SCARB2: variants seen among roughly 807,000 people sequenced by gnomAD.
SCARB2 encodes the protein scavenger receptor class B member 2.
A neutral mutation model predicts 58.6 loss-of-function variants in SCARB2; 29 were observed. The observed-to-expected ratio is 0.49, with a 90% confidence interval of 0.37 to 0.67. The LOEUF (loss-of-function observed/expected upper bound fraction) is 0.67. SCARB2 is among the 30% of genes least tolerant of loss of function. The pLI is 0.00. For missense variants in SCARB2, 488 were observed against 578.5 expected, an observed-to-expected ratio of 0.84 and a Z score of 1.60; for synonymous variants, 195 against 210.1, an observed-to-expected ratio of 0.93 and a Z score of 0.62.
At chr4:76,220,608 G>C (rs1404821492) in intron 1 of SCARB2, among the ~76,000 whole-genome samples, 1 of 152,192 alleles carries the variant, frequency 6.6e-6, no homozygotes, top group African/African-American at 2.4e-5. Context: ...CTGTGACAGA[G>C]CTAGATCCTG....
In SCARB2 at chr4:76,195,743, G is replaced by T. The variant is rs756828875; in HGVS notation, c.239C>A (p.Thr80Asn). 1 of 1,613,950 alleles carries T rather than the reference G, an allele frequency of 6.2e-7. No homozygotes were observed. Among genetic ancestry groups the T allele is most frequent in the East Asian group, 2.2e-5 (1 of 44,888 alleles). The change falls in exon 2 of 12, where the codon ACC becomes AAC. Residue 80 changes from threonine to asparagine, a missense_variant. Transcript: ENST00000264896. ...TGGCCCCACTTCTTCCACCCGAGGG[G>T]TCTCCCCTCTGAGGATCTCCTCTGG... The part of the protein sequence containing the change: ...TNPEEILRGE[T>N]PRVEEVGPYT...
At chr4:76,188,111 T>C (rs1309720245) in intron 2 of SCARB2, among the ~76,000 whole-genome samples, 3 of 152,202 alleles carry the variant, frequency 2.0e-5, no homozygotes, top group South Asian at 2.1e-4. Context: ...CTTAGACAAA[T>C]TGTTTTCTTT....
intron 1 of SCARB2, among the ~76,000 whole-genome samples, chr4:76,205,330 C>T (rs1028341317): frequency 9.0e-5 from 13 of 144,308 alleles, no homozygotes; most frequent in Non-Finnish European, 1.2e-4. Context: ...TATCTCAAAA[C>T]AAAAACAAAA....
chr4:76,179,907 T>C, intron 3 of SCARB2: 1 of 623,586 alleles, frequency 1.6e-6, no homozygotes, highest in Non-Finnish European at 2.9e-6. Flanking sequence ...AGTACTGCAT[T>C]TTGTAAGTGT....
intron 1 of SCARB2, among the ~76,000 whole-genome samples, chr4:76,202,966 A>G (rs1732860132): frequency 6.6e-6 from 1 of 152,132 alleles, no homozygotes; most frequent in African/African-American, 2.4e-5. Context: ...ATGTTCTTGA[A>G]TATATTTGTC....
chr4:76,217,589 A>C (rs1163959590), upstream of SCARB2: 2 of 529,968 alleles, frequency 3.8e-6, no homozygotes, highest in Non-Finnish European at 6.8e-6. Context: ...GAGTGGAAGC[A>C]GCCTGAGGCC....
At chr4:76,226,418 A>C (rs1733399456) in intron 1 of SCARB2, among the ~76,000 whole-genome samples, 1 of 152,160 alleles carries the variant, frequency 6.6e-6, no homozygotes, top group African/African-American at 2.4e-5. Context: ...ATTTTGGGAG[A>C]GCAAGGAGCA....
At chr4:76,199,037 G>A (rs934727517) in intron 1 of SCARB2, among the ~76,000 whole-genome samples, 8 of 152,096 alleles carry the variant, frequency 5.3e-5, no homozygotes, top group African/African-American at 1.4e-4. Flanking sequence ...TTACTGCCAC[G>A]CCAGCTGCAA....
At position 76,203,161 on chromosome 4, in the gene SCARB2, G is replaced by C. The variant is rs552275278; in HGVS notation, c.118-7297C>G. On this transcript the variant is annotated intron_variant, in intron 1 of 11. Coordinates refer to ENST00000264896, the MANE Select transcript of SCARB2 (RefSeq NM_005506.4). The stretch of plus-strand genomic sequence containing the variant: ...AGCTACTTTTTGTATTTTTAGTAGA[G>C]ATGGGGTTTAACCATGTGGGCCAGG... Among the ~76,000 whole-genome samples, 3 of 152,242 alleles carry C rather than the reference G, an allele frequency of 2.0e-5. No homozygotes were observed. The East Asian group carries it at 5.8e-4, about 29-fold the overall frequency.
chr4:76,216,632 A>G (rs1733212318), upstream of SCARB2, among the ~76,000 whole-genome samples: 1 of 152,194 alleles, frequency 6.6e-6, no homozygotes, highest in African/African-American at 2.4e-5. Flanking sequence ...GAGTTTCTAA[A>G]CAAGGGTTTA....
chr4:76,215,954 G>T (rs1733198773), upstream of SCARB2, among the ~76,000 whole-genome samples: 2 of 152,172 alleles, frequency 1.3e-5, no homozygotes, highest in Admixed American at 1.3e-4. Flanking sequence ...TAGATAACTG[G>T]AGCAGATGGT....
At chr4:76,170,967 T>C (rs1172437350) in intron 7 of SCARB2, among the ~76,000 whole-genome samples, 2 of 128,206 alleles carry the variant, frequency 1.6e-5, no homozygotes, top group Non-Finnish European at 3.1e-5. Flanking sequence ...TATATATATA[T>C]ATATAACCAA....
In SCARB2 at chr4:76,221,213, C is replaced by G. The variant is rs567860861; in HGVS notation, c.-358+13090G>C. ...GGAACCGAATCATACAGCCCAGCAG[C>G]CTTCACCTGCTTCACTAATGGTAAG... is the stretch of plus-strand genomic sequence containing the variant. On this transcript the variant is annotated intron_variant, in intron 1 of 11. Coordinates refer to the SCARB2 transcript ENST00000638295. Among the ~76,000 whole-genome samples the G allele has an allele frequency of 6.6e-5, 10 of 152,356 alleles. No homozygotes were observed. The South Asian group carries it at 1.0e-3, about 16-fold the overall frequency.
At chr4:76,215,720 C>T (rs1733194278), upstream of SCARB2, among the ~76,000 whole-genome samples, 1 of 152,042 alleles carries the variant, frequency 6.6e-6, no homozygotes, top group Non-Finnish European at 1.5e-5. Context: ...GTTCAGCTAC[C>T]CGGAGACTGC....
intron 1 of SCARB2, among the ~76,000 whole-genome samples, chr4:76,231,785 T>TG (rs1168255532): frequency 6.6e-6 from 1 of 152,192 alleles, no homozygotes; most frequent in African/African-American, 2.4e-5. Flanking sequence ...AAGATAAACT[T>TG]GGAGTTCCTG....
upstream of SCARB2, chr4:76,214,132 G>A: frequency 2.3e-6 from 1 of 436,402 alleles, no homozygotes; most frequent in East Asian, 7.0e-5. Context: ...TAGGTCTGAG[G>A]GCCTCCCATG....
chr4:76,186,026 G>A (rs1283285743), intron 2 of SCARB2, among the ~76,000 whole-genome samples: 1 of 152,150 alleles, frequency 6.6e-6, no homozygotes, highest in African/African-American at 2.4e-5. Flanking sequence ...CATGTGCAAC[G>A]GCTTGTGCTA....
chr4:76,181,178 C>A, intron 2 of SCARB2, 77 bp from the exon 3 acceptor site: 1 of 1,415,966 alleles, frequency 7.1e-7, no homozygotes, highest in Non-Finnish European at 9.9e-7. Flanking sequence ...TTTCAGCATC[C>A]AAGTTATATT....
chr4:76,197,842 T>G (rs1388563722), intron 1 of SCARB2, among the ~76,000 whole-genome samples: 1 of 152,178 alleles, frequency 6.6e-6, no homozygotes, highest in African/African-American at 2.4e-5. Flanking sequence ...TGTTTGGATT[T>G]TTACACCAGA....
Sources: gnomAD v4.1 joint callset for allele counts (sites outside exome capture counted in the v4.1 genomes callset) on GRCh38, gnomAD v4.1.1 for gene constraint, MANE v1.5 for transcripts, NCBI Gene and HGNC (gene_info 2026-07-23, HGNC 2026-07-21) for gene names.